CHRDL2: variants seen among roughly 807,000 people sequenced by gnomAD.
CHRDL2 encodes the protein chordin like 2, also known as chordin-like protein 2.
In CHRDL2, 41 loss-of-function variants were observed where a neutral mutation model predicts 54.3. That is an observed-to-expected ratio of 0.76 (90% CI 0.59 to 0.98). CHRDL2 has a LOEUF of 0.98. Among genes scored for constraint, CHRDL2 ranks in the 50% least tolerant of loss-of-function variants. The probability of loss-of-function intolerance (pLI) is 0.00; values close to 1 mark genes in which losing one functional copy is unlikely to be tolerated. For synonymous variants in CHRDL2, 220 were observed against 224.3 expected (o/e 0.98, Z 0.17); for missense variants, 518 against 562.4 (o/e 0.92, Z 0.80).
chr11:74,699,769 A>G (rs2033739085), intron 9 of CHRDL2: 1 of 152,200 alleles, frequency 6.6e-6, no homozygotes, highest in Non-Finnish European at 1.5e-5. Flanking sequence ...CGTTCCTTGG[A>G]CTGGGGAAAC....
chr11:74,727,897 C>T (rs2034595507), intron 1 of CHRDL2, among the ~76,000 whole-genome samples: 1 of 152,126 alleles, frequency 6.6e-6, no homozygotes, highest in African/African-American at 2.4e-5. Context: ...GACACTCATC[C>T]ACAAAGAGCC....
intron 7 of CHRDL2, 85 bp from the exon 8 acceptor site, chr11:74,703,584 C>A (rs1412254912): frequency 1.6e-6 from 2 of 1,229,798 alleles, no homozygotes; most frequent in African/African-American, 1.5e-5. Context: ...GGGGTGGGCC[C>A]TTGGGGAGCC....
chr11:74,705,743 C>T (rs1428828265), intron 6 of CHRDL2, among the ~76,000 whole-genome samples: 1 of 152,054 alleles, frequency 6.6e-6, no homozygotes, highest in Non-Finnish European at 1.5e-5. Flanking sequence ...ACCCTCAGCT[C>T]TCAGGTCTCA....
intron 1 of CHRDL2, among the ~76,000 whole-genome samples, chr11:74,726,869 T>C (rs1255842097): frequency 2.0e-5 from 3 of 152,316 alleles, no homozygotes; most frequent in African/African-American, 7.2e-5. Context: ...CATGCACACC[T>C]GCACAGGTAG....
chr11:74,700,546 T>C (rs1413347043), intron 9 of CHRDL2, among the ~76,000 whole-genome samples: 2 of 151,960 alleles, frequency 1.3e-5, no homozygotes, highest in Non-Finnish European at 1.5e-5. Flanking sequence ...CGGCACTTAG[T>C]TGGGGGCAGC....
At chr11:74,713,893 G>C (rs1029411366) in intron 2 of CHRDL2, among the ~76,000 whole-genome samples, 3 of 152,170 alleles carry the variant, frequency 2.0e-5, no homozygotes, top group Non-Finnish European at 1.5e-5. Context: ...TGACTGGGAG[G>C]GGGTGTGAGA....
chr11:74,708,178 G>A lies in CHRDL2; in HGVS notation c.526+124C>T, dbSNP rs563990483. ...GGGGTGCAGGCTAAGCCACACCCTG[G>A]AGGAAAGAGCCGTCTGCTACATGCT... On this transcript the variant is annotated intron_variant, in intron 5 of 10. Coordinates refer to ENST00000376332, the MANE Select transcript of CHRDL2 (RefSeq NM_001278473.3). 1.5e-5 allele frequency: 9 copies of A among 617,188 alleles called. No homozygotes were observed. In the African/African-American group the frequency reaches 1.6e-4, roughly 11 times the overall value. 38.2% of individuals were successfully genotyped at this position (617,188 alleles called of 1,614,324 possible).
intron 4 of CHRDL2, among the ~76,000 whole-genome samples, chr11:74,709,553 A>C (rs2034118260): frequency 6.6e-6 from 1 of 152,234 alleles, no homozygotes; most frequent in African/African-American, 2.4e-5. Flanking sequence ...CACACCCTGC[A>C]AAAGGTAATT....
At chr11:74,715,489 G>T (rs763453521) in intron 2 of CHRDL2, among the ~76,000 whole-genome samples, 2 of 151,920 alleles carry the variant, frequency 1.3e-5, no homozygotes, top group Non-Finnish European at 2.9e-5. Context: ...TGTAATCCCA[G>T]CTACTTGGGA....
In CHRDL2 at chr11:74,708,057, C is replaced by G. The variant is rs577937707; in HGVS notation, c.526+245G>C. On this transcript the variant is annotated intron_variant, in intron 5 of 10. Transcript: ENST00000376332. Reference sequence around the variant, plus strand: ...ACATATTCCTGTATTGCTTCTCTCTCTTTACCTTCTTCACTCTGCCTTTCC... The same window carrying G: ...ACATATTCCTGTATTGCTTCTCTCTGTTTACCTTCTTCACTCTGCCTTTCC... 5.9e-5 allele frequency among the ~76,000 whole-genome samples: 9 copies of G among 152,318 alleles called. No individual in the cohort carries two copies. In the South Asian group the frequency reaches 1.5e-3, roughly 25 times the overall value.
intron 1 of CHRDL2, among the ~76,000 whole-genome samples, chr11:74,728,375 A>G (rs920226717): frequency 6.6e-6 from 1 of 152,190 alleles, no homozygotes; most frequent in Non-Finnish European, 1.5e-5. Flanking sequence ...GAGACCTTCA[A>G]ATAGCATCTT....
At chr11:74,701,381 G>C in intron 9 of CHRDL2, 1 of 439,914 alleles carries the variant, frequency 2.3e-6, no homozygotes, top group Admixed American at 3.8e-5. Flanking sequence ...TGACTCTTGC[G>C]GTCACTCAGA....
In CHRDL2 at chr11:74,730,977, A is replaced by C; in HGVS notation, c.-89T>G. ...CACGGAGGCACAGGGGCCACAGATC[A>C]ACCCACAGACCCCAGGAGGTCTGCT... On this transcript the variant is annotated 5_prime_UTR_variant, in exon 1 of 11. Transcript: ENST00000376332. 18 of 1,091,130 alleles carry C rather than the reference A, an allele frequency of 1.6e-5. No individual in the cohort carries two copies. The highest frequency in any genetic ancestry group is 2.1e-5 in the Non-Finnish European group (16 of 747,588). 67.6% of individuals were successfully genotyped at this position (1,091,130 alleles called of 1,614,324 possible). A position where few individuals can be genotyped will look rare whatever the true frequency, so the allele number is the denominator to read the frequency against.
Position 74,716,677 on chromosome 11 carries a change from T to C in CHRDL2, c.195+2043A>G, listed in dbSNP as rs1283768588. On this transcript the variant is annotated intron_variant, in intron 2 of 10. Transcript: ENST00000376332. ...GAGGTTTTTTTTTTTCTTTTCTCTC[T>C]TTTTTTCCCTAAGTCAGAACATGAC... 1.7e-4 allele frequency among the ~76,000 whole-genome samples: 26 copies of C among 151,842 alleles called. 1 individual carries two copies. Among genetic ancestry groups the C allele is most frequent in the Non-Finnish European group, 1.5e-5 (1 of 67,924 alleles).
At chr11:74,713,326 G>A in intron 3 of CHRDL2, 60 bp downstream of exon 3, 1 of 1,454,566 alleles carries the variant, frequency 6.9e-7, no homozygotes, top group Non-Finnish European at 9.6e-7. Flanking sequence ...CTCAGCTAGA[G>A]GGCTACACTG....
intron 9 of CHRDL2, chr11:74,701,449 G>T: frequency 1.8e-6 from 1 of 571,378 alleles, no homozygotes; most frequent in Non-Finnish European, 3.2e-6. Flanking sequence ...CAGCAGTCCT[G>T]TCCCCCTGAG....
chr11:74,702,973 G>GAAGAGGAC lies in CHRDL2; in HGVS notation c.947-7_947-6insGTCCTCTT. The GAAGAGGAC allele has an allele frequency of 6.2e-7, 1 of 1,605,212 alleles. No homozygotes were observed. Among genetic ancestry groups the GAAGAGGAC allele is most frequent in the South Asian group, 1.1e-5 (1 of 89,580 alleles). Reference sequence around the variant, plus strand: ...GCCAGGGTCTGCTTTGTCCTCTGGAGAGACAAGAAGCTCATGAAGTGTTCA... The same window carrying GAAGAGGAC: ...GCCAGGGTCTGCTTTGTCCTCTGGAGAAGAGGACAGACAAGAAGCTCATGAAGTGTTCA... On this transcript the variant is annotated splice_polypyrimidine_tract_variant and splice_region_variant and intron_variant, in intron 8 of 10. Transcript: ENST00000376332.
chr11:74,715,877 C>T (rs2034335720), intron 2 of CHRDL2, among the ~76,000 whole-genome samples: 2 of 151,908 alleles, frequency 1.3e-5, no homozygotes, highest in Admixed American at 1.3e-4. Context: ...ACTCGGGAGG[C>T]TGACGCACGA....
intron 2 of CHRDL2, among the ~76,000 whole-genome samples, chr11:74,716,403 C>G (rs2034352672): frequency 6.6e-6 from 1 of 151,906 alleles, no homozygotes; most frequent in Non-Finnish European, 1.5e-5. Context: ...GGCGTGGCAG[C>G]AGGTGCCTGT....
Sources: allele counts gnomAD v4.1 joint callset (sites outside exome capture counted in the v4.1 genomes callset), GRCh38; gene constraint gnomAD v4.1.1; transcripts MANE v1.5; gene names NCBI Gene and HGNC (gene_info 2026-07-23, HGNC 2026-07-21).